The following FRY variants were observed in gnomAD, a reference collection of about 807,000 sequenced individuals.
FRY encodes the protein FRY microtubule binding protein, also known as protein furry homolog.
Under a neutral mutation model 348.4 loss-of-function variants are expected in FRY, and 128 were observed. That is an observed-to-expected ratio of 0.37 (90% CI 0.32 to 0.43). The LOEUF (loss-of-function observed/expected upper bound fraction) is 0.43, where lower values mean the gene tolerates loss of function less well. Ranked by LOEUF, FRY falls within the 20% of genes least tolerant of loss-of-function variation. FRY has a pLI of 1.00. For synonymous variants in FRY, 1,370 were observed against 1,374.7 expected, an observed-to-expected ratio of 1.00 and a Z score of 0.08; for missense variants, 2,736 against 3,695.2, an observed-to-expected ratio of 0.74 and a Z score of 6.73.
chr13:32,272,912 A>ATT (rs375185878), intron 55 of FRY, among the ~76,000 whole-genome samples: 3,891 of 147,134 alleles, frequency 0.026, 75 homozygotes, highest in Non-Finnish European at 0.04. Flanking sequence ...ATTTTTTGGT[A>ATT]TTTTTTTTTT....
intron 28 of FRY, among the ~76,000 whole-genome samples, chr13:32,193,353 A>G (rs798962): frequency 0.37 from 55,323 of 151,388 alleles, 10,390 homozygotes; most frequent in Admixed American, 0.4. Flanking sequence ...AGGAATAGAC[A>G]TTGATACACA....
Position 32,296,840 on chromosome 13 carries a change from A to G in FRY, c.*1380A>G, listed in dbSNP as rs1247560249. 6.6e-6 allele frequency: 1 copy of G among 152,252 alleles called. No individual in the cohort carries two copies. The highest frequency in any genetic ancestry group is 1.5e-5 in the Non-Finnish European group (1 of 68,046). The allele number at this position is 152,252 out of a possible 1,614,324, so 9.4% of individuals were successfully genotyped here. A position where few individuals can be genotyped will look rare whatever the true frequency, so the allele number is the denominator to read the frequency against. ...TATCTCTTTGGAAGTTGGCATCAAA[A>G]CTGTGAGCTTCAACCAATTCTCTGT... On this transcript the variant is annotated 3_prime_UTR_variant, in exon 61 of 61. Transcript: ENST00000542859.
intron 11 of FRY, among the ~76,000 whole-genome samples, chr13:32,142,256 G>C (rs1242222911): frequency 1.3e-5 from 2 of 152,202 alleles, no homozygotes; most frequent in African/African-American, 2.4e-5. Context: ...ACTGAGGCCA[G>C]ATTGCCTAGG....
rs1381255869 is a variant in FRY at position 32,297,538 on chromosome 13, A to G, written c.*2078A>G. 6.6e-6 allele frequency: 1 copy of G among 152,196 alleles called. No homozygotes were observed. Among genetic ancestry groups the G allele is most frequent in the Non-Finnish European group, 1.5e-5 (1 of 68,028 alleles). The allele number at this position is 152,196 out of a possible 1,614,324, so 9.4% of individuals were successfully genotyped here. On this transcript the variant is annotated 3_prime_UTR_variant, in exon 61 of 61. Transcript: ENST00000542859. Reference sequence around the variant, plus strand: ...AAAAGGATTTCAACAGTACATTACAATCCAAGATATTAACATAGGAAGCAG... The same window carrying G: ...AAAAGGATTTCAACAGTACATTACAGTCCAAGATATTAACATAGGAAGCAG...
rs752379303 is a variant in FRY at position 32,265,480 on chromosome 13, A to G, written c.7810A>G (p.Thr2604Ala). 4 of 1,614,210 alleles carry G rather than the reference A, an allele frequency of 2.5e-6. No homozygotes were observed. The Admixed American group carries it at 6.7e-5, about 27-fold the overall frequency. ...AGCTGTTCGTGAGGAGGAGGACACC[A>G]CCGTGCATGAGGATGATCTTTCTAG... ...AEAVREEEDT[T>A]VHEDDLSSSI... Residue 2604 changes from threonine (T) to alanine (A), a missense_variant, in exon 54 of 61, where the codon ACC becomes GCC. Around this residue, in one of 9 missense-constraint regions of FRY, gnomAD observed 789 missense variants for 996.2 expected, o/e 0.79. Coordinates refer to ENST00000542859, the MANE Select transcript of FRY (RefSeq NM_023037.3).
chr13:32,234,631 C>A lies in FRY; in HGVS notation c.5585C>A (p.Ser1862Tyr). The stretch of plus-strand genomic sequence containing the variant: ...GCATTGCAGACAGCCCTCGCAAGCT[C>A]TTCAAGGCACTATGCTGGTCGGTCC... ...EVALQTALASSSRHYAGRSFQ... is the reference protein window; with the variant it reads ...EVALQTALASYSRHYAGRSFQ... Residue 1862 changes from serine (S) to tyrosine (Y), a missense_variant, in exon 42 of 61, where the codon TCT becomes TAT. By Grantham distance (144) the Ser-to-Tyr change is moderately radical (BLOSUM62 -2). This residue lies in a region of FRY where 794 missense variants were observed against 977.0 expected (regional missense o/e 0.81). Transcript: ENST00000542859. 1 of 1,614,138 alleles carries A rather than the reference C, an allele frequency of 6.2e-7. No individual in the cohort carries two copies. The highest frequency in any genetic ancestry group is 8.5e-7 in the Non-Finnish European group (1 of 1,180,016).
chr13:32,234,217 T>A (rs1328776206), intron 41 of FRY, among the ~76,000 whole-genome samples: 2 of 142,590 alleles, frequency 1.4e-5, no homozygotes, highest in Non-Finnish European at 3.0e-5. Flanking sequence ...AGCCCAGGAG[T>A]TCAAGACCAG....
intron 26 of FRY, among the ~76,000 whole-genome samples, chr13:32,185,571 G>A (rs952786808): frequency 1.3e-5 from 2 of 152,010 alleles, no homozygotes; most frequent in African/African-American, 4.8e-5. Flanking sequence ...ATTCTATAAA[G>A]CTTAATATAT....
At chr13:32,170,911 T>G (rs1593693133) in intron 17 of FRY, 101 bp from the exon 18 acceptor site, 1 of 902,174 alleles carries the variant, frequency 1.1e-6, no homozygotes, top group Non-Finnish European at 1.8e-6. Context: ...ATTTTCAGAC[T>G]CAAGTAGAAG....
intron 1 of FRY, among the ~76,000 whole-genome samples, chr13:32,039,093 G>A (rs983758388): frequency 1.3e-5 from 2 of 152,162 alleles, no homozygotes; most frequent in African/African-American, 4.8e-5. Context: ...GGGAGAATGT[G>A]TTTGATAGAT....
chr13:32,100,660 A>G (rs1197909031), intron 2 of FRY, among the ~76,000 whole-genome samples: 1 of 152,224 alleles, frequency 6.6e-6, no homozygotes, highest in African/African-American at 2.4e-5. Flanking sequence ...TTTCAAGTAT[A>G]CAATGTATCT....
intron 2 of FRY, among the ~76,000 whole-genome samples, chr13:32,086,530 T>G (rs373930611): frequency 5.3e-5 from 8 of 152,140 alleles, no homozygotes; most frequent in African/African-American, 1.7e-4. Context: ...AGGTTTAATC[T>G]CCCATTGTCC....
intron 1 of FRY, among the ~76,000 whole-genome samples, chr13:32,064,691 G>T (rs1874143542): frequency 6.6e-6 from 1 of 152,130 alleles, no homozygotes; most frequent in Admixed American, 6.5e-5. Flanking sequence ...TCAACCTTTG[G>T]CTGTTCAACC....
Position 32,245,940 on chromosome 13 carries a change from C to T in FRY, c.6829-1383C>T, listed in dbSNP as rs1886771085. On this transcript the variant is annotated intron_variant, in intron 47 of 60. Transcript: ENST00000542859. Reference sequence around the variant, plus strand: ...ACATTCCTTTCCATCTTTACTTCACCAAATTACTTACAGAAATTATTTGAT... The same window carrying T: ...ACATTCCTTTCCATCTTTACTTCACTAAATTACTTACAGAAATTATTTGAT... Among the ~76,000 whole-genome samples the T allele has an allele frequency of 2.6e-5, 4 of 152,162 alleles. No individual in the cohort carries two copies. The South Asian group carries it at 8.3e-4, about 32-fold the overall frequency.
chr13:32,285,096 G>A (rs1357071389), intron 58 of FRY, among the ~76,000 whole-genome samples: 1 of 152,006 alleles, frequency 6.6e-6, no homozygotes, highest in African/African-American at 2.4e-5. Flanking sequence ...GCAGGAAGGG[G>A]GCTTGAAGAA....
chr13:32,242,026 C>T (rs1050338488), intron 46 of FRY, among the ~76,000 whole-genome samples: 70 of 152,266 alleles, frequency 4.6e-4, no homozygotes, highest in African/African-American at 1.6e-3. Context: ...GTTGGGGTAG[C>T]GCACAGAGTG....
Position 32,295,221 on chromosome 13 carries a change from A to G in FRY, c.8803A>G (p.Ile2935Val), listed in dbSNP as rs1471315570. 2 of 1,613,982 alleles carry G rather than the reference A, an allele frequency of 1.2e-6. No individual in the cohort carries two copies. The highest frequency in any genetic ancestry group is 2.2e-5 in the East Asian group (1 of 44,886). Residue 2935 changes from isoleucine (I) to valine (V), a missense_variant, in exon 61 of 61, where the codon ATC (isoleucine) becomes GTC (valine). This residue lies in a region of FRY where 157 missense variants were observed against 215.2 expected (regional missense o/e 0.73). Coordinates refer to ENST00000542859, the MANE Select transcript of FRY (RefSeq NM_023037.3). ...CTGCAGAAGTCTGTGGCCCAATGAC[A>G]TCTTTGGAAGCAGTTCTGATGATGA... is the stretch of plus-strand genomic sequence containing the variant. ...RECRSLWPND[I>V]FGSSSDDEVQ...
At chr13:32,145,487 A>G (rs1880346080) in intron 11 of FRY, among the ~76,000 whole-genome samples, 1 of 151,346 alleles carries the variant, frequency 6.6e-6, no homozygotes, top group South Asian at 2.1e-4. Flanking sequence ...TGAAGTGTCC[A>G]CAGATGATGA....
At chr13:32,069,888 G>A (rs150358217) in intron 1 of FRY, among the ~76,000 whole-genome samples, 8,585 of 106,654 alleles carry the variant, frequency 0.08, 269 homozygotes, top group Middle Eastern at 0.13. Flanking sequence ...AAGAGGCCCC[G>A]GTGTGTGATG....
Sources: gnomAD v4.1 joint callset for allele counts (sites outside exome capture counted in the v4.1 genomes callset) on GRCh38, gnomAD v4.1.1 for gene constraint, gnomAD v4.1.1 regional missense constraint, MANE v1.5 for transcripts, NCBI Gene and HGNC (gene_info 2026-07-23, HGNC 2026-07-21) for gene names.